The following AKR1C1 variants were observed in gnomAD, a reference collection of about 807,000 sequenced individuals.
AKR1C1 encodes aldo-keto reductase family 1 member C1.
A neutral mutation model predicts 40.6 loss-of-function variants in AKR1C1; 32 were observed. The observed-to-expected ratio is 0.79, with a 90% confidence interval of 0.60 to 1.06. The LOEUF is 1.06. Ranked by LOEUF, AKR1C1 falls within the 50% of genes least tolerant of loss-of-function variation. The pLI is 0.00. For missense variants in AKR1C1, 320 were observed against 363.5 expected (o/e 0.88, Z 0.97); for synonymous variants, 105 against 134.2 (o/e 0.78, Z 1.50).
rs1370888100 is a variant in AKR1C1, at chr10:4,982,845, C to T, written c.*5103C>T. The T allele has an allele frequency of 5.1e-6, 2 of 389,556 alleles. No homozygotes were observed. The highest frequency in any genetic ancestry group is 2.7e-5 in the Admixed American group (1 of 36,720). The allele number at this position is 389,556 out of a possible 1,614,324, so 24.1% of individuals were successfully genotyped here. Reference sequence around the variant, plus strand: ...AACTGTTCCCAGGAAGGAGAAAATGCCTGCATGAGCTCAGCTGTTACCACT... The same window carrying T: ...AACTGTTCCCAGGAAGGAGAAAATGTCTGCATGAGCTCAGCTGTTACCACT... On this transcript the variant is annotated 3_prime_UTR_variant, in exon 9 of 9. Coordinates refer to ENST00000380872, the MANE Select transcript of AKR1C1 (RefSeq NM_001353.6).
intron 5 of AKR1C1, chr10:4,969,812 GTTTTA>G (rs895333004): frequency 2.0e-6 from 3 of 1,488,460 alleles, no homozygotes; most frequent in African/African-American, 1.4e-5. Flanking sequence ...ACATTTTTTT[GTTTTA>G]TTTTATGTTT....
chr10:4,967,186 C>T, intron 3 of AKR1C1, 143 bp downstream of exon 3: 1 of 1,021,166 alleles, frequency 9.8e-7, no homozygotes, highest in African/African-American at 1.6e-5. Context: ...ACTCCTAATT[C>T]CTTTCTATGG....
In AKR1C1 at chr10:4,963,619, C is replaced by T. The variant is rs1836281743; in HGVS notation, c.84+91C>T. The T allele has an allele frequency of 3.7e-6, 4 of 1,088,434 alleles. No homozygotes were observed. In the East Asian group the frequency reaches 7.1e-5, roughly 19 times the overall value. The allele number at this position is 1,088,434 out of a possible 1,614,324, so 67.4% of individuals were successfully genotyped here. A position where few individuals can be genotyped will look rare whatever the true frequency, so the allele number is the denominator to read the frequency against. ...GTCAGGCTTGTGTTCCTATGTTACTCTGCATGACTCCCCTTTAAACGTCAG... is the reference window on the plus strand; with the variant it reads ...GTCAGGCTTGTGTTCCTATGTTACTTTGCATGACTCCCCTTTAAACGTCAG... On this transcript the variant is annotated intron_variant, in intron 1 of 8. Coordinates refer to ENST00000380872, the MANE Select transcript of AKR1C1 (RefSeq NM_001353.6).
At chr10:4,966,240 A>T (rs1003337783) in intron 2 of AKR1C1, among the ~76,000 whole-genome samples, 159 bp downstream of exon 2, 3 of 152,248 alleles carry the variant, frequency 2.0e-5, no homozygotes, top group African/African-American at 7.2e-5. Context: ...AAAGGCAGGA[A>T]GTGAAGATGG....
chr10:4,975,311 A>G (rs1465166925), intron 7 of AKR1C1, among the ~76,000 whole-genome samples: 3 of 152,176 alleles, frequency 2.0e-5, no homozygotes, highest in African/African-American at 7.2e-5. Flanking sequence ...ATGTATTAGA[A>G]AGAGTGACAT....
intron 5 of AKR1C1, chr10:4,969,661 T>G (rs35308766): frequency 0.012 from 18,780 of 1,609,610 alleles, 156 homozygotes; most frequent in Non-Finnish European, 0.013. Flanking sequence ...ATTCTCTATG[T>G]GTTCCTTTTG....
chr10:4,969,485 GT>G (rs1836389638), intron 5 of AKR1C1, among the ~76,000 whole-genome samples: 1 of 146,592 alleles, frequency 6.8e-6, no homozygotes, highest in African/African-American at 2.6e-5. Context: ...GTCATCCATG[GT>G]AGAAAGAGAA....
At position 4,966,048 on chromosome 10, in the gene AKR1C1, T is replaced by G; in HGVS notation, c.219T>G (p.Ser73Arg). 6.2e-7 allele frequency: 1 copy of G among 1,614,148 alleles called. No homozygotes were observed. Among genetic ancestry groups the G allele is most frequent in the Non-Finnish European group, 8.5e-7 (1 of 1,179,988 alleles). The change falls in exon 2 of 9, where the codon AGT becomes AGG. Residue 73 changes from serine (S) to arginine (R), a missense_variant. Around this residue, in one of 3 missense-constraint regions of AKR1C1, gnomAD observed 214 missense variants for 214.8 expected, o/e 1.00. Transcript: ENST00000380872. ...LAIRSKIADG[S>R]VKREDIFYTS... Reference sequence around the variant, plus strand: ...TCCGAAGCAAGATTGCAGATGGCAGTGTGAAGAGAGAAGACATATTCTACA... The same window carrying G: ...TCCGAAGCAAGATTGCAGATGGCAGGGTGAAGAGAGAAGACATATTCTACA...
chr10:4,976,295 G>A (rs1554770454), intron 8 of AKR1C1, among the ~76,000 whole-genome samples: 1 of 152,156 alleles, frequency 6.6e-6, no homozygotes, highest in African/African-American at 2.4e-5. Flanking sequence ...CCAAATCTGT[G>A]CTTCTATCTT....
chr10:4,978,608 T>C lies in AKR1C1; in HGVS notation c.*866T>C, dbSNP rs1836565528. 2 of 152,168 alleles carry C rather than the reference T, an allele frequency of 1.3e-5. No individual in the cohort carries two copies. The highest frequency in any genetic ancestry group is 4.1e-4 in the South Asian group (2 of 4,830). The allele number at this position is 152,168 out of a possible 1,614,324, so 9.4% of individuals were successfully genotyped here. ...CTGAATAGCTCATATTTAGAAAATA[T>C]TCTTAGATTCTAAAAATGTACTATT... On this transcript the variant is annotated 3_prime_UTR_variant, in exon 9 of 9. Coordinates refer to ENST00000380872, the MANE Select transcript of AKR1C1 (RefSeq NM_001353.6).
At chr10:4,969,782 T>C in intron 5 of AKR1C1, 1 of 1,584,870 alleles carries the variant, frequency 6.3e-7, no homozygotes, top group South Asian at 1.1e-5. Flanking sequence ...TTAAAGTTAC[T>C]ACACTTTTCC....
rs375752583 is a variant in AKR1C1 at position 4,966,946 on chromosome 10, G to A, written c.272G>A (p.Arg91Gln). 79 of 1,613,294 alleles carry A rather than the reference G, an allele frequency of 4.9e-5. No homozygotes were observed. In the African/African-American group the frequency reaches 7.1e-4, roughly 14 times the overall value. Residue 91 changes from arginine to glutamine, a missense_variant, in exon 3 of 9, where the codon CGA becomes CAA. Physicochemically the swap from Arg to Gln is conservative, Grantham distance 43. Coordinates refer to ENST00000380872, the MANE Select transcript of AKR1C1 (RefSeq NM_001353.6). ...YTSKLWCNSH[R>Q]PELVRPALER... ...CTGCAGCTTTGGTGCAATTCCCATC[G>A]ACCAGAGTTGGTCCGACCAGCCTTG...
In AKR1C1 at chr10:4,966,909, T is replaced by C; in HGVS notation, c.253-18T>C. 1 of 1,594,566 alleles carries C rather than the reference T, an allele frequency of 6.3e-7. No individual in the cohort carries two copies. ...CTCAAGTTTTCATTACACAACTTCCTTTCTCTAACCTCTGCAGCTTTGGTG... is the reference window on the plus strand; with the variant it reads ...CTCAAGTTTTCATTACACAACTTCCCTTCTCTAACCTCTGCAGCTTTGGTG... On this transcript the variant is annotated intron_variant, in intron 2 of 8. Coordinates refer to ENST00000380872, the MANE Select transcript of AKR1C1 (RefSeq NM_001353.6).
intron 2 of AKR1C1, among the ~76,000 whole-genome samples, 158 bp downstream of exon 2, chr10:4,966,239 A>G (rs906344870): frequency 3.3e-5 from 5 of 152,246 alleles, no homozygotes; most frequent in African/African-American, 1.2e-4. Context: ...CAAAGGCAGG[A>G]AGTGAAGATG....
intron 8 of AKR1C1, among the ~76,000 whole-genome samples, chr10:4,976,956 G>A (rs114633982): frequency 1.3e-5 from 2 of 151,534 alleles, no homozygotes; most frequent in Admixed American, 1.3e-4. Flanking sequence ...ATGTTTTTGG[G>A]GATCATGAAA....
chr10:4,973,458 T>C (rs1459925155), intron 7 of AKR1C1, among the ~76,000 whole-genome samples: 2 of 152,218 alleles, frequency 1.3e-5, no homozygotes, highest in Non-Finnish European at 2.9e-5. Flanking sequence ...CATGCAGTTC[T>C]TTATCCTCCA....
chr10:4,970,264 A>G (rs182074120), intron 5 of AKR1C1, among the ~76,000 whole-genome samples: 13 of 152,314 alleles, frequency 8.5e-5, no homozygotes, highest in Admixed American at 2.6e-4. Flanking sequence ...TTTGGTATCC[A>G]GTCCATATTT....
At chr10:4,972,870 A>T in intron 7 of AKR1C1, 121 bp downstream of exon 7, 9 of 1,448,312 alleles carry the variant, frequency 6.2e-6, no homozygotes, top group Non-Finnish European at 8.3e-6. Context: ...CTATGCATGA[A>T]CTCTTTGTGT....
rs1187963383 is a variant in AKR1C1 at position 4,980,964 on chromosome 10, A to G, written c.*3222A>G. On this transcript the variant is annotated 3_prime_UTR_variant, in exon 9 of 9. Coordinates refer to ENST00000380872, the MANE Select transcript of AKR1C1 (RefSeq NM_001353.6). The stretch of plus-strand genomic sequence containing the variant: ...AATGTATTTCCTGAACCATAAAACA[A>G]GAACATCAAAATTACTCTATGATCC... 4 of 152,248 alleles carry G rather than the reference A, an allele frequency of 2.6e-5. No homozygotes were observed. The highest frequency in any genetic ancestry group is 4.4e-5 in the Non-Finnish European group (3 of 68,050). 9.4% of individuals were successfully genotyped at this position (152,248 alleles called of 1,614,324 possible).
Sources: allele counts gnomAD v4.1 joint callset (sites outside exome capture counted in the v4.1 genomes callset), GRCh38; gene constraint gnomAD v4.1.1; regional missense constraint gnomAD v4.1.1; transcripts MANE v1.5; gene names NCBI Gene and HGNC (gene_info 2026-07-23, HGNC 2026-07-21).